Variants in SLC35F4 observed in about 807,000 individuals in gnomAD.
The protein encoded by SLC35F4 is solute carrier family 35 member F4.
Under a neutral mutation model 44.2 loss-of-function variants are expected in SLC35F4, and 24 were observed. That is an observed-to-expected ratio of 0.54 (90% CI 0.39 to 0.76). SLC35F4 has a LOEUF of 0.76. SLC35F4 is among the 30% of genes least tolerant of loss of function. SLC35F4 has a pLI of 0.00. For synonymous variants in SLC35F4, 238 were observed against 223.6 expected, an observed-to-expected ratio of 1.06 and a Z score of -0.57; for missense variants, 562 against 586.1, an observed-to-expected ratio of 0.96 and a Z score of 0.42.
intron 1 of SLC35F4, among the ~76,000 whole-genome samples, chr14:57,611,355 G>C (rs186128481): frequency 3.3e-5 from 5 of 152,168 alleles, no homozygotes; most frequent in African/African-American, 1.2e-4. Flanking sequence ...GTCATATGAA[G>C]TTGGGTGTAT....
Position 57,648,217 on chromosome 14 carries a change from T to G in SLC35F4, c.104-54093A>C, listed in dbSNP as rs76892204. The stretch of plus-strand genomic sequence containing the variant: ...TGAAGAAATGATACATCATCATCAT[T>G]CTTGATGGCACAGAGGATGTTATAG... On this transcript the variant is annotated intron_variant, in intron 1 of 7. Coordinates refer to ENST00000556826, the MANE Select transcript of SLC35F4 (RefSeq NM_001306087.2). Among the ~76,000 whole-genome samples the G allele has an allele frequency of 3.2e-4, 49 of 152,294 alleles. No individual in the cohort carries two copies. In the East Asian group the frequency reaches 9.3e-3, roughly 29 times the overall value.
chr14:57,590,546 C>T (rs2070108200), intron 2 of SLC35F4, among the ~76,000 whole-genome samples: 1 of 152,144 alleles, frequency 6.6e-6, no homozygotes, highest in African/African-American at 2.4e-5. Context: ...GAAAATTTTG[C>T]AGCAATTTTA....
intron 1 of SLC35F4, among the ~76,000 whole-genome samples, chr14:57,885,609 A>C (rs867135329): frequency 6.6e-6 from 1 of 152,250 alleles, no homozygotes. Flanking sequence ...ATGAATTAAA[A>C]TTAAATGAAA....
intron 1 of SLC35F4, among the ~76,000 whole-genome samples, chr14:57,634,719 A>G (rs1334524517): frequency 6.6e-6 from 1 of 152,002 alleles, no homozygotes; most frequent in Non-Finnish European, 1.5e-5. Context: ...TAAGCAAGAA[A>G]GTCTGCTGAT....
intron 1 of SLC35F4, among the ~76,000 whole-genome samples, chr14:57,931,940 G>A (rs1041809990): frequency 3.3e-5 from 5 of 152,356 alleles, no homozygotes; most frequent in African/African-American, 1.2e-4. Context: ...ATTGTCTGCA[G>A]TGTAGACTTA....
At chr14:57,795,378 C>G (rs1195724959) in intron 1 of SLC35F4, among the ~76,000 whole-genome samples, 2 of 152,128 alleles carry the variant, frequency 1.3e-5, no homozygotes, top group African/African-American at 2.4e-5. Context: ...ATTTAGGAAC[C>G]ATTCACTAAG....
At chr14:57,777,705 A>G (rs1415429184) in intron 1 of SLC35F4, among the ~76,000 whole-genome samples, 2 of 152,088 alleles carry the variant, frequency 1.3e-5, no homozygotes, top group African/African-American at 4.8e-5. Flanking sequence ...AGTGCAGCAA[A>G]CCAACATGGC....
At chr14:57,791,501 G>C (rs2077918680) in intron 1 of SLC35F4, among the ~76,000 whole-genome samples, 1 of 152,308 alleles carries the variant, frequency 6.6e-6, no homozygotes, top group African/African-American at 2.4e-5. Flanking sequence ...AGAGGATGTG[G>C]AGAAAGAGGA....
At chr14:57,662,450 A>T (rs1000326562) in intron 1 of SLC35F4, among the ~76,000 whole-genome samples, 1 of 152,170 alleles carries the variant, frequency 6.6e-6, no homozygotes, top group African/African-American at 2.4e-5. Flanking sequence ...CTTTCTCGAG[A>T]GACTGAGTTC....
chr14:57,625,824 GTA>G (rs1205853695), intron 1 of SLC35F4, among the ~76,000 whole-genome samples: 14 of 152,130 alleles, frequency 9.2e-5, no homozygotes, highest in Non-Finnish European at 2.1e-4. Flanking sequence ...CCATTACTGG[GTA>G]TATACCCAAA....
At chr14:57,757,729 C>T (rs569451889) in intron 1 of SLC35F4, among the ~76,000 whole-genome samples, 1 of 152,196 alleles carries the variant, frequency 6.6e-6, no homozygotes, top group African/African-American at 2.4e-5. Context: ...TTATAAACCC[C>T]AGACTATACT....
At chr14:57,677,107 A>G (rs1300050319) in intron 1 of SLC35F4, among the ~76,000 whole-genome samples, 1 of 152,112 alleles carries the variant, frequency 6.6e-6, no homozygotes, top group Admixed American at 6.6e-5. Flanking sequence ...TATCTTTTGC[A>G]GCAACGTGGG....
chr14:57,625,703 G>A (rs1165682867), intron 1 of SLC35F4, among the ~76,000 whole-genome samples: 2 of 152,162 alleles, frequency 1.3e-5, no homozygotes, highest in Admixed American at 1.3e-4. Flanking sequence ...AATGGAGAAA[G>A]GATTCCCTAT....
At chr14:57,584,415 T>C (rs952978143) in intron 3 of SLC35F4, among the ~76,000 whole-genome samples, 2 of 152,220 alleles carry the variant, frequency 1.3e-5, no homozygotes, top group African/African-American at 4.8e-5. Flanking sequence ...TCTTCCCTTG[T>C]TCAGTCATGA....
intron 1 of SLC35F4, among the ~76,000 whole-genome samples, chr14:57,826,379 C>T (rs1326998582): frequency 6.6e-6 from 1 of 152,094 alleles, no homozygotes; most frequent in East Asian, 1.9e-4. Context: ...GGATTAAAGA[C>T]TTAAATGTAA....
intron 1 of SLC35F4, among the ~76,000 whole-genome samples, chr14:57,943,720 T>C (rs1022182584): frequency 1.3e-5 from 2 of 152,216 alleles, no homozygotes; most frequent in Non-Finnish European, 2.9e-5. Context: ...TCTTCTGTAA[T>C]ACTATTCGAT....
intron 1 of SLC35F4, among the ~76,000 whole-genome samples, chr14:57,847,325 C>T (rs1192597627): frequency 1.3e-5 from 2 of 152,004 alleles, no homozygotes; most frequent in Non-Finnish European, 2.9e-5. Context: ...TTTTTTCACT[C>T]CCAGATGTTT....
chr14:57,613,628 T>C (rs1191597885), intron 1 of SLC35F4, among the ~76,000 whole-genome samples: 2 of 152,232 alleles, frequency 1.3e-5, no homozygotes, highest in African/African-American at 2.4e-5. Flanking sequence ...TTTCTATTTT[T>C]CCCAGAAGCT....
chr14:57,689,544 T>C (rs928746995), intron 1 of SLC35F4, among the ~76,000 whole-genome samples: 2 of 152,066 alleles, frequency 1.3e-5, no homozygotes, highest in African/African-American at 4.8e-5. Flanking sequence ...TCTATAACAA[T>C]AGAGGTGTTT....
Sources: allele counts gnomAD v4.1 joint callset (sites outside exome capture counted in the v4.1 genomes callset), GRCh38; gene constraint gnomAD v4.1.1; transcripts MANE v1.5; gene names NCBI Gene and HGNC (gene_info 2026-07-23, HGNC 2026-07-21).